Variants in LAMB2 observed in about 807,000 individuals in gnomAD.
LAMB2 encodes laminin subunit beta 2, also known as laminin subunit beta-2.
In LAMB2, 119 loss-of-function variants were observed where a neutral mutation model predicts 202.7. That is an observed-to-expected ratio of 0.59 (90% CI 0.51 to 0.68). The LOEUF is 0.68. Ranked by LOEUF, LAMB2 falls within the 30% of genes least tolerant of loss-of-function variation. The pLI is 0.00. For synonymous variants in LAMB2, 818 were observed against 902.2 expected, an observed-to-expected ratio of 0.91 and a Z score of 1.67; for missense variants, 2,124 against 2,410.6, an observed-to-expected ratio of 0.88 and a Z score of 2.49.
intron 19 of LAMB2, 27 bp from the exon 20 acceptor site, chr3:49,125,196 G>A: frequency 6.2e-7 from 1 of 1,613,530 alleles, no homozygotes; most frequent in African/African-American, 1.3e-5. Context: ...GAAGAAATGT[G>A]TCATCCCTGG....
chr3:49,126,253 C>T, intron 16 of LAMB2, 94 bp from the exon 17 acceptor site: 2 of 1,601,110 alleles, frequency 1.2e-6, no homozygotes, highest in Non-Finnish European at 1.7e-6. Flanking sequence ...AGCCTGCCCA[C>T]CCTGGCACCA....
Position 49,132,203 on chromosome 3 carries a change from C to T in LAMB2, c.386-14G>A, listed in dbSNP as rs755894732. 3.1e-6 allele frequency: 5 copies of T among 1,614,040 alleles called. No individual in the cohort carries two copies. The highest frequency in any genetic ancestry group is 1.1e-5 in the South Asian group (1 of 91,074). On this transcript the variant is annotated splice_polypyrimidine_tract_variant and intron_variant, in intron 3 of 31. Transcript: ENST00000305544. The surrounding 1 kb of genome is among the most constrained non-coding windows in gnomAD (Gnocchi z 4.6). ...CCGCAGGGATACCTGGGACAGGAATCGGAAGTCAAGGACTCAAAGCTACTG... is the reference window on the plus strand; with the variant it reads ...CCGCAGGGATACCTGGGACAGGAATTGGAAGTCAAGGACTCAAAGCTACTG...
Position 49,128,794 on chromosome 3 carries a change from A to G in LAMB2, c.1757T>C (p.Val586Ala). ...GQVLDVVERL[V>A]TPGETPSWTG... ...CCAGGATGGAGTTTCCCCGGGGGTC[A>G]CCAGGCGCTCCACCACATCGAGCAC... Residue 586 changes from valine to alanine, a missense_variant, in exon 14 of 32, where the codon GTG becomes GCG. Physicochemically the swap from Val to Ala is moderately conservative, Grantham distance 64. This residue lies in a region of LAMB2 where 1,702 missense variants were observed against 1,896.3 expected (regional missense o/e 0.90). Transcript: ENST00000305544. 1 of 1,613,624 alleles carries G rather than the reference A, an allele frequency of 6.2e-7. No individual in the cohort carries two copies. The highest frequency in any genetic ancestry group is 1.1e-5 in the South Asian group (1 of 91,074).
chr3:49,131,513 C>CA lies in LAMB2; in HGVS notation c.648+21dup, dbSNP rs2045481533. ...CCCATCATCCCCAGCTTCCAGCCCC[C>CA]AGCCCAGATGCCAGCCCTCACCTCG... On this transcript the variant is annotated intron_variant, in intron 5 of 31. Coordinates refer to ENST00000305544, the MANE Select transcript of LAMB2 (RefSeq NM_002292.4). The surrounding 1 kb of genome is among the most constrained non-coding windows in gnomAD (Gnocchi z 5.0). The CA allele has an allele frequency of 1.2e-6, 2 of 1,614,046 alleles. No homozygotes were observed. The highest frequency in any genetic ancestry group is 4.5e-5 in the East Asian group (2 of 44,880).
chr3:49,129,329 A>G lies in LAMB2; in HGVS notation c.1519-5T>C, dbSNP rs1242908578. ...GCTCAGGCCCCAGTGGCCAGGCTGC[A>G]CGAAAGGAGTTGCTGGGGGCCAGAA... On this transcript the variant is annotated splice_polypyrimidine_tract_variant and splice_region_variant and intron_variant, in intron 11 of 31. Transcript: ENST00000305544. This position sits in a 1 kb window ranked among gnomAD's most constrained non-coding sequence, Gnocchi z 6.1. 26 of 1,611,214 alleles carry G rather than the reference A, an allele frequency of 1.6e-5. No homozygotes were observed. The highest frequency in any genetic ancestry group is 2.1e-5 in the Non-Finnish European group (25 of 1,179,018).
At chr3:49,123,702 C>T (rs751722624) in intron 24 of LAMB2, 26 bp downstream of exon 24, 1 of 1,613,694 alleles carries the variant, frequency 6.2e-7, no homozygotes, top group South Asian at 1.1e-5. Flanking sequence ...CCCCATCCCA[C>T]CATGTATTCT....
At chr3:49,122,447 T>G (rs1159436025) in intron 27 of LAMB2, 77 bp from the exon 28 acceptor site, 3 of 1,353,114 alleles carry the variant, frequency 2.2e-6, no homozygotes, top group Non-Finnish European at 3.2e-6. Context: ...GGGTATGGAC[T>G]CAGGACATGT....
Position 49,130,760 on chromosome 3 carries a change from C to T in LAMB2, c.1016G>A (p.Gly339Asp), listed in dbSNP as rs768920356. 3.1e-6 allele frequency: 5 copies of T among 1,613,954 alleles called. No homozygotes were observed. In the African/African-American group the frequency reaches 6.7e-5, roughly 22 times the overall value. The part of the protein sequence containing the change: ...RDLPWRPAED[G>D]HSHACRKCEC... Reference sequence around the variant, plus strand: ...CTCACTCCTACAGGCATGACTATGGCCGTCCTCAGCCGGACGCCAGGGCAG... The same window carrying T: ...CTCACTCCTACAGGCATGACTATGGTCGTCCTCAGCCGGACGCCAGGGCAG... The change falls in exon 8 of 32, where the codon GGC becomes GAC. Residue 339 changes from glycine (G) to aspartate (D), a missense_variant. Physicochemically the swap from Gly to Asp is moderately conservative, Grantham distance 94. Around this residue, in one of 3 missense-constraint regions of LAMB2, gnomAD observed 256 missense variants for 356.1 expected, o/e 0.72. Coordinates refer to ENST00000305544, the MANE Select transcript of LAMB2 (RefSeq NM_002292.4). This position sits in a 1 kb window ranked among gnomAD's most constrained non-coding sequence, Gnocchi z 5.0.
rs747602505 is a variant in LAMB2, at chr3:49,121,984, G to GC, written c.4882dup (p.Ala1628GlyfsTer4). On this transcript the variant is annotated frameshift_variant, in exon 29 of 32. Transcript: ENST00000305544. LOFTEE classifies it high-confidence loss of function. ...CTCTGTGTCCCGTGTGTCAGCCACT[G>GC]CCCCCCGGATGGCACCCTGGGCAAT... 2.5e-6 allele frequency: 4 copies of GC among 1,613,836 alleles called. No homozygotes were observed. The highest frequency in any genetic ancestry group is 8.5e-7 in the Non-Finnish European group (1 of 1,180,042).
At position 49,125,047 on chromosome 3, in the gene LAMB2, T is replaced by C; in HGVS notation, c.2843A>G (p.Tyr948Cys). ...HFATSCHQDE[Y>C]SQQIVCHCRA... The stretch of plus-strand genomic sequence containing the variant: ...GCAGTGGCACACAATCTGCTGGGAA[T>C]ATTCATCCTGGTGGCAAGAAGTAGC... Residue 948 changes from tyrosine to cysteine, a missense_variant, in exon 20 of 32, where the codon TAT becomes TGT. Around this residue, in one of 3 missense-constraint regions of LAMB2, gnomAD observed 1,702 missense variants for 1,896.3 expected, o/e 0.90. Coordinates refer to ENST00000305544, the MANE Select transcript of LAMB2 (RefSeq NM_002292.4). The C allele has an allele frequency of 1.9e-6, 3 of 1,613,898 alleles. No homozygotes were observed. The highest frequency in any genetic ancestry group is 2.5e-6 in the Non-Finnish European group (3 of 1,180,038).
Position 49,128,675 on chromosome 3 carries a change from G to A in LAMB2, c.1876C>T (p.Arg626Cys), listed in dbSNP as rs753645487. Residue 626 changes from arginine (R) to cysteine (C), a missense_variant, in exon 14 of 32, where the codon CGC (arginine) becomes TGC (cysteine). Around this residue, in one of 3 missense-constraint regions of LAMB2, gnomAD observed 1,702 missense variants for 1,896.3 expected, o/e 0.90. Transcript: ENST00000305544. ...PKAMDYDLLL[R>C]LEPQVPEQWA... ...CAGGGTCTAACCTGGGGCTCTAAGC[G>A]CAGCAGCAGGTCATAGTCCATAGCC... The A allele has an allele frequency of 1.5e-5, 24 of 1,614,068 alleles. No homozygotes were observed. Among genetic ancestry groups the A allele is most frequent in the South Asian group, 1.1e-4 (10 of 91,086 alleles).
rs2045478218 is a variant in LAMB2 at position 49,131,223 on chromosome 3, C to G, written c.713-71G>C. ...GCCCCATGTCCACCCAGGGGCTCAG[C>G]TGCCAAGGTCACCTTGAAAGACCTC... On this transcript the variant is annotated intron_variant, in intron 6 of 31. Coordinates refer to ENST00000305544, the MANE Select transcript of LAMB2 (RefSeq NM_002292.4). This position sits in a 1 kb window ranked among gnomAD's most constrained non-coding sequence, Gnocchi z 5.0. 1 of 1,526,450 alleles carries G rather than the reference C, an allele frequency of 6.6e-7. No individual in the cohort carries two copies. The highest frequency in any genetic ancestry group is 1.1e-5 in the South Asian group (1 of 88,202). 94.6% of individuals were successfully genotyped at this position (1,526,450 alleles called of 1,614,324 possible).
In LAMB2 at chr3:49,130,046, C is replaced by G; in HGVS notation, c.1226-28G>C. The G allele has an allele frequency of 1.2e-5, 20 of 1,610,526 alleles. No homozygotes were observed. Among genetic ancestry groups the G allele is most frequent in the Non-Finnish European group, 1.7e-5 (20 of 1,177,224 alleles). ...GACGGCAAAAAGAGATACAGGGTCA[C>G]TCACCCTATCTCAACTAGCTCACTG... On this transcript the variant is annotated intron_variant, in intron 9 of 31. Coordinates refer to ENST00000305544, the MANE Select transcript of LAMB2 (RefSeq NM_002292.4). The surrounding 1 kb of genome is among the most constrained non-coding windows in gnomAD (Gnocchi z 5.0).
At position 49,128,586 on chromosome 3, in the gene LAMB2, C is replaced by T; in HGVS notation, c.1891-1G>A. The T allele has an allele frequency of 6.2e-7, 1 of 1,614,254 alleles. No individual in the cohort carries two copies. The highest frequency in any genetic ancestry group is 8.5e-7 in the Non-Finnish European group (1 of 1,180,044). On this transcript the variant is annotated splice_acceptor_variant, in intron 14 of 31. Transcript: ENST00000305544. LOFTEE classifies it high-confidence loss of function. ...CCAACTCTGCCCATTGCTCAGGGAC[C>T]TGGGAAAACGGGATGATGGAGGAGA...
At position 49,122,833 on chromosome 3, in the gene LAMB2, G is replaced by T. The variant is rs755963903; in HGVS notation, c.4444C>A (p.Arg1482=). ...CGCTGCTGTGCCTCGCTTGCCTGCC[G>T]ACGAGTCTCAGCCACTCTGCTGAGG... The part of the protein sequence containing the change: ...SILSRVAETR[R]QASEAQQRAQ... The change falls in exon 27 of 32, where the codon CGG becomes AGG. Residue 1482 remains arginine (R), a synonymous_variant. Transcript: ENST00000305544. The T allele has an allele frequency of 1.4e-5, 22 of 1,612,988 alleles. No homozygotes were observed. The highest frequency in any genetic ancestry group is 1.7e-5 in the Non-Finnish European group (20 of 1,180,006).
rs776618768 is a variant in LAMB2, at chr3:49,122,194, C to T, written c.4750G>A (p.Glu1584Lys). The T allele has an allele frequency of 1.2e-5, 19 of 1,613,478 alleles. No individual in the cohort carries two copies. The highest frequency in any genetic ancestry group is 2.2e-5 in the South Asian group (2 of 91,088). Residue 1584 changes from glutamate to lysine, a missense_variant, in exon 28 of 32, where the codon GAG becomes AAG. By Grantham distance (56) the Glu-to-Lys change is moderately conservative. Coordinates refer to ENST00000305544, the MANE Select transcript of LAMB2 (RefSeq NM_002292.4). ...CGCCGTGCATCCTGCAGTAGCTGCT[C>T]GGCACGACGCACATCTCCTACAGTA... The part of the protein sequence containing the change: ...ARTVGDVRRA[E>K]QLLQDARRAR...
In LAMB2 at chr3:49,130,551, C is replaced by A; in HGVS notation, c.1037-132G>T. On this transcript the variant is annotated intron_variant, in intron 8 of 31. Coordinates refer to ENST00000305544, the MANE Select transcript of LAMB2 (RefSeq NM_002292.4). This position sits in a 1 kb window ranked among gnomAD's most constrained non-coding sequence, Gnocchi z 5.0. ...GGGCTCAGGGACTTCAAGGCCTCAG[C>A]ATCATACTGGTTCCCTACCCAGAGC... The A allele has an allele frequency of 7.4e-7, 1 of 1,345,760 alleles. No individual in the cohort carries two copies. The highest frequency in any genetic ancestry group is 1.2e-5 in the South Asian group (1 of 84,750). 83.4% of individuals were successfully genotyped at this position (1,345,760 alleles called of 1,614,324 possible).
In LAMB2 at chr3:49,130,929, C is replaced by T. The variant is rs756428924; in HGVS notation, c.915+21G>A. On this transcript the variant is annotated intron_variant, in intron 7 of 31. Coordinates refer to ENST00000305544, the MANE Select transcript of LAMB2 (RefSeq NM_002292.4). This position sits in a 1 kb window ranked among gnomAD's most constrained non-coding sequence, Gnocchi z 5.0. ...TCCGCCCCTGCCCCTAGCCCTATCC[C>T]AACCGTCTGAAGCCCCTTACCATGC... The T allele has an allele frequency of 5.6e-6, 9 of 1,614,012 alleles. No homozygotes were observed. Among genetic ancestry groups the T allele is most frequent in the Non-Finnish European group, 7.6e-6 (9 of 1,180,034 alleles).
intron 26 of LAMB2, 28 bp downstream of exon 26, chr3:49,123,104 C>T (rs2045367437): frequency 6.2e-7 from 1 of 1,608,170 alleles, no homozygotes; most frequent in Non-Finnish European, 8.5e-7. Flanking sequence ...TCTACACCCA[C>T]CTGCCCCACC....
Sources: gnomAD v4.1 joint callset for allele counts on GRCh38, gnomAD v4.1.1 for gene constraint, gnomAD v4.1.1 regional missense constraint, Gnocchi (gnomAD v3.1) non-coding constraint, MANE v1.5 for transcripts, NCBI Gene and HGNC (gene_info 2026-07-23, HGNC 2026-07-21) for gene names.